Variants in HECW1 observed in about 807,000 individuals in gnomAD.
HECW1 encodes the protein E3 ubiquitin-protein ligase HECW1.
In HECW1, 61 loss-of-function variants were observed where a neutral mutation model predicts 182.3. The observed-to-expected ratio is 0.33, with a 90% CI of 0.27 to 0.41. The LOEUF (loss-of-function observed/expected upper bound fraction) is 0.41. Ranked by LOEUF, HECW1 falls within the 10% of genes least tolerant of loss-of-function variation. The pLI, the probability that HECW1 is intolerant of heterozygous loss-of-function variation, is 1.00. For synonymous variants in HECW1, 859 were observed against 832.6 expected (o/e 1.03, Z -0.55); for missense variants, 1,739 against 2,108.9 (o/e 0.82, Z 3.44).
chr7:43,558,191 G>C (rs1451829050), intron 29 of HECW1, among the ~76,000 whole-genome samples: 1 of 152,150 alleles, frequency 6.6e-6, no homozygotes, highest in Non-Finnish European at 1.5e-5. Flanking sequence ...GAAAGGCTCA[G>C]AAGGAAAGAG....
chr7:43,305,463 T>C (rs1807425004), intron 3 of HECW1, among the ~76,000 whole-genome samples: 1 of 152,172 alleles, frequency 6.6e-6, no homozygotes, highest in South Asian at 2.1e-4. Flanking sequence ...TGCCCTCTTA[T>C]AATCGCCCAT....
At chr7:43,291,713 T>G (rs1805427752) in intron 3 of HECW1, among the ~76,000 whole-genome samples, 1 of 152,198 alleles carries the variant, frequency 6.6e-6, no homozygotes. Flanking sequence ...TAGCTGGGAC[T>G]CCCTCTAACA....
intron 6 of HECW1, among the ~76,000 whole-genome samples, chr7:43,371,454 C>A (rs1050751528): frequency 1.3e-5 from 2 of 152,030 alleles, no homozygotes; most frequent in Admixed American, 6.5e-5. Flanking sequence ...GGACCTAAAC[C>A]TGCTGTAAAA....
chr7:43,306,032 T>C (rs1311544412), intron 3 of HECW1, among the ~76,000 whole-genome samples: 1 of 152,126 alleles, frequency 6.6e-6, no homozygotes, highest in Admixed American at 6.5e-5. Context: ...AGTGCCAGCA[T>C]TACAGGTGTG....
At chr7:43,200,827 C>T (rs2152689449) in intron 2 of HECW1, among the ~76,000 whole-genome samples, 1 of 152,252 alleles carries the variant, frequency 6.6e-6, no homozygotes, top group East Asian at 1.9e-4. Flanking sequence ...CCAACATGCT[C>T]ACCTCTGACT....
chr7:43,488,370 GGAAGGAAGGAAGGAA>G (rs1563044885), intron 17 of HECW1, among the ~76,000 whole-genome samples: 7 of 110,134 alleles, frequency 6.4e-5, no homozygotes, highest in Admixed American at 1.9e-4. Context: ...AAGGAAGGAA[GGAAGGAAGGAAGGAA>G]GGAAGGAAGG....
chr7:43,368,373 T>C (rs1816904205), intron 6 of HECW1, among the ~76,000 whole-genome samples: 1 of 152,230 alleles, frequency 6.6e-6, no homozygotes. Context: ...TTTTATTTCT[T>C]GTAAGCAAAT....
intron 23 of HECW1, among the ~76,000 whole-genome samples, chr7:43,508,406 C>A (rs1019558203): frequency 1.3e-5 from 2 of 152,124 alleles, no homozygotes; most frequent in Non-Finnish European, 2.9e-5. Flanking sequence ...AGGTGGTGTA[C>A]CCCTCTGAGT....
chr7:43,463,571 A>G, intron 13 of HECW1, 89 bp from the exon 14 acceptor site: 1 of 1,238,620 alleles, frequency 8.1e-7, no homozygotes, highest in Non-Finnish European at 1.1e-6. Flanking sequence ...ACAATTCTTT[A>G]CAGATTTCTC....
At chr7:43,135,762 T>C (rs1787457788) in intron 2 of HECW1, among the ~76,000 whole-genome samples, 1 of 152,248 alleles carries the variant, frequency 6.6e-6, no homozygotes, top group Non-Finnish European at 1.5e-5. Context: ...TTTCTATTAC[T>C]TTTAATTTTC....
At chr7:43,256,622 AAAAAG>A (rs1800609752) in intron 3 of HECW1, among the ~76,000 whole-genome samples, 1 of 151,808 alleles carries the variant, frequency 6.6e-6, no homozygotes, top group Non-Finnish European at 1.5e-5. Context: ...AAAAAAAAAA[AAAAAG>A]AAAAGAAAAG....
chr7:43,184,170 T>C (rs563720747), intron 2 of HECW1, among the ~76,000 whole-genome samples: 69 of 152,226 alleles, frequency 4.5e-4, no homozygotes, highest in African/African-American at 1.6e-3. Context: ...CCCACCACCA[T>C]GCCTGGCTAA....
chr7:43,404,319 C>A (rs1477298011), intron 7 of HECW1, among the ~76,000 whole-genome samples: 1 of 152,172 alleles, frequency 6.6e-6, no homozygotes, highest in Non-Finnish European at 1.5e-5. Flanking sequence ...AACATGTGCT[C>A]TTGAGTAGAA....
intron 17 of HECW1, among the ~76,000 whole-genome samples, chr7:43,488,380 AAGGAAGGAAGGAAGGAAGGAAATG>A (rs1179344572): frequency 1.0e-5 from 1 of 97,304 alleles, no homozygotes; most frequent in African/African-American, 3.9e-5. Context: ...GGAAGGAAGG[AAGGAAGGAAGGAAGGAAGGAAATG>A]AAAGAAAGAG....
chr7:43,114,263 G>A lies in HECW1; in HGVS notation c.-160G>A. 7.3e-7 allele frequency: 1 copy of A among 1,364,094 alleles called. No individual in the cohort carries two copies. The highest frequency in any genetic ancestry group is 9.7e-7 in the Non-Finnish European group (1 of 1,034,872). 84.5% of individuals were successfully genotyped at this position (1,364,094 alleles called of 1,614,324 possible). ...CCTGGGATTTAAACGCGATTTAGGA[G>A]GGCAGATGCCCTACCCGAAAAGGCC... On this transcript the variant is annotated 5_prime_UTR_variant, in exon 2 of 30. Coordinates refer to ENST00000395891, the MANE Select transcript of HECW1 (RefSeq NM_015052.5).
intron 2 of HECW1, among the ~76,000 whole-genome samples, chr7:43,208,622 G>A (rs1263903230): frequency 6.6e-6 from 1 of 152,196 alleles, no homozygotes; most frequent in African/African-American, 2.4e-5. Flanking sequence ...TTTCAGCTGG[G>A]GAAGCAAATG....
chr7:43,355,061 C>T (rs527681097), intron 5 of HECW1, among the ~76,000 whole-genome samples: 7 of 150,854 alleles, frequency 4.6e-5, no homozygotes, highest in Non-Finnish European at 8.8e-5. Flanking sequence ...CCAGGAATTC[C>T]GTATCCAGCA....
At chr7:43,500,022 A>G (rs2079276588) in intron 19 of HECW1, among the ~76,000 whole-genome samples, 1 of 152,014 alleles carries the variant, frequency 6.6e-6, no homozygotes, top group Admixed American at 6.6e-5. Flanking sequence ...TCCATCAGGC[A>G]CAAGATTTCT....
chr7:43,529,686 C>T (rs1453618034), intron 24 of HECW1, among the ~76,000 whole-genome samples: 2 of 152,178 alleles, frequency 1.3e-5, no homozygotes, highest in African/African-American at 4.8e-5. Context: ...TCGCTGGAGT[C>T]CATTCCTCCA....
Sources: allele counts gnomAD v4.1 joint callset (sites outside exome capture counted in the v4.1 genomes callset), GRCh38; gene constraint gnomAD v4.1.1; transcripts MANE v1.5; gene names NCBI Gene and HGNC (gene_info 2026-07-23, HGNC 2026-07-21).